The following TACC1 variants were observed in gnomAD, a reference collection of about 807,000 sequenced individuals.
TACC1 encodes the protein transforming acidic coiled-coil-containing protein 1.
Under a neutral mutation model 84.4 loss-of-function variants are expected in TACC1, and 48 were observed. The observed-to-expected ratio is 0.57, with a 90% CI of 0.45 to 0.72. The LOEUF (loss-of-function observed/expected upper bound fraction) is 0.72, where lower values mean the gene tolerates loss of function less well. TACC1 is among the 30% of genes least tolerant of loss of function. The probability of loss-of-function intolerance (pLI) is 0.00; values close to 1 mark genes in which losing one functional copy is unlikely to be tolerated. For missense variants in TACC1, 920 were observed against 973.0 expected, an observed-to-expected ratio of 0.95 and a Z score of 0.72; for synonymous variants, 372 against 376.3, an observed-to-expected ratio of 0.99 and a Z score of 0.13.
intron 3 of TACC1, among the ~76,000 whole-genome samples, chr8:38,760,600 G>C (rs377371913): frequency 1.5e-3 from 225 of 151,674 alleles, no homozygotes; most frequent in African/African-American, 4.8e-3. Context: ...GGCACATCTC[G>C]GCTCACTGCA....
rs578000963 is a variant in TACC1 at position 38,847,108 on chromosome 8, T to G, written c.2349+289T>G. Among the ~76,000 whole-genome samples, 62 of 152,360 alleles carry G rather than the reference T, an allele frequency of 4.1e-4. 2 individuals carry two copies. The South Asian group carries it at 0.013, about 32-fold the overall frequency. Reference sequence around the variant, plus strand: ...GGGGTCATGAGACTGCCTTTCTTTCTTTCTTTGTTTTTTATGCAATATATT... The same window carrying G: ...GGGGTCATGAGACTGCCTTTCTTTCGTTCTTTGTTTTTTATGCAATATATT... On this transcript the variant is annotated intron_variant, in intron 12 of 12. Coordinates refer to ENST00000317827, the MANE Select transcript of TACC1 (RefSeq NM_006283.3).
upstream of TACC1, chr8:38,785,794 G>C (rs1817021950): frequency 1.2e-6 from 1 of 821,254 alleles, no homozygotes; most frequent in Non-Finnish European, 1.5e-6. Context: ...ATTTCACATG[G>C]ACCTCCTGCC....
Position 38,842,461 on chromosome 8 carries a change from T to C in TACC1, c.2121+14T>C. The C allele has an allele frequency of 6.3e-7, 1 of 1,595,430 alleles. No individual in the cohort carries two copies. Among genetic ancestry groups the C allele is most frequent in the Non-Finnish European group, 8.5e-7 (1 of 1,171,350 alleles). On this transcript the variant is annotated intron_variant, in intron 10 of 12. Coordinates refer to ENST00000317827, the MANE Select transcript of TACC1 (RefSeq NM_006283.3). ...GGGTTCAAGAAGGTAGAGTGTTTTT[T>C]CCCTCTGTCTCCTGGTGTATTTCCA... is the stretch of plus-strand genomic sequence containing the variant.
In TACC1 at chr8:38,787,853, C is replaced by T. The variant is rs1817648176; in HGVS notation, c.161+110C>T. On this transcript the variant is annotated intron_variant, in intron 1 of 12. Transcript: ENST00000317827. ...CCACCCGCGAAACCGTCCTCACGGC[C>T]GTGCCGCGTCCCTGCCCGGAGCCGG... 4.6e-6 allele frequency: 5 copies of T among 1,094,918 alleles called. No individual in the cohort carries two copies. The South Asian group carries it at 7.0e-5, about 15-fold the overall frequency. The allele number at this position is 1,094,918 out of a possible 1,614,324, so 67.8% of individuals were successfully genotyped here.
At chr8:38,749,212 ATC>A (rs1771395387) in intron 3 of TACC1, among the ~76,000 whole-genome samples, 1 of 152,204 alleles carries the variant, frequency 6.6e-6, no homozygotes, top group Non-Finnish European at 1.5e-5. Context: ...TAAATTATAA[ATC>A]TAATCAAAGA....
intron 3 of TACC1, among the ~76,000 whole-genome samples, chr8:38,777,656 A>T (rs1203943324): frequency 6.6e-6 from 1 of 152,192 alleles, no homozygotes; most frequent in Non-Finnish European, 1.5e-5. Context: ...TTAGCTGGAC[A>T]TGGTGGTGTG....
intron 3 of TACC1, among the ~76,000 whole-genome samples, chr8:38,755,011 A>G (rs1202373202): frequency 6.6e-6 from 1 of 152,052 alleles, no homozygotes; most frequent in Admixed American, 6.6e-5. Flanking sequence ...AATACAAAAA[A>G]TAGCCAGGCG....
chr8:38,831,705 A>G (rs977721156), intron 6 of TACC1, among the ~76,000 whole-genome samples: 1 of 152,014 alleles, frequency 6.6e-6, no homozygotes, highest in Non-Finnish European at 1.5e-5. Context: ...CATGTTACCT[A>G]GGCTGGTCTC....
At chr8:38,750,081 G>A (rs147985226) in intron 3 of TACC1, among the ~76,000 whole-genome samples, 158 of 152,266 alleles carry the variant, frequency 1.0e-3, no homozygotes, top group Non-Finnish European at 1.8e-3. Flanking sequence ...ACTGAGGCAG[G>A]AGGTTTGTTG....
At chr8:38,788,533 G>T (rs1241021892) in intron 1 of TACC1, 171 bp from the exon 2 acceptor site, 1 of 549,240 alleles carries the variant, frequency 1.8e-6, no homozygotes, top group African/African-American at 1.9e-5. Flanking sequence ...CCCAAGGAGG[G>T]CACTGCTCAG....
In TACC1 at chr8:38,848,200, A is replaced by G. The variant is rs1278567379; in HGVS notation, c.*177A>G. The G allele has an allele frequency of 3.4e-6, 2 of 584,214 alleles. No individual in the cohort carries two copies. Among genetic ancestry groups the G allele is most frequent in the Admixed American group, 6.3e-5 (2 of 31,644 alleles). 36.2% of individuals were successfully genotyped at this position (584,214 alleles called of 1,614,324 possible). On this transcript the variant is annotated 3_prime_UTR_variant, in exon 13 of 13. Coordinates refer to ENST00000317827, the MANE Select transcript of TACC1 (RefSeq NM_006283.3). ...TGCCAATGCAACAGCCCTGGAAGAAACCCTAGAGGGTTGCATAGTCTAGAA... is the reference window on the plus strand; with the variant it reads ...TGCCAATGCAACAGCCCTGGAAGAAGCCCTAGAGGGTTGCATAGTCTAGAA...
intron 2 of TACC1, among the ~76,000 whole-genome samples, chr8:38,796,036 T>TGA (rs1425285340): frequency 2.0e-5 from 3 of 152,254 alleles, no homozygotes; most frequent in Non-Finnish European, 2.9e-5. Context: ...AAATGATTGA[T>TGA]CTCCAGCTTT....
intron 11 of TACC1, among the ~76,000 whole-genome samples, chr8:38,845,655 G>T (rs147312900): frequency 6.6e-6 from 1 of 152,182 alleles, no homozygotes; most frequent in African/African-American, 2.4e-5. Context: ...ACACTACAGC[G>T]AACATCCTGT....
At position 38,787,663 on chromosome 8, in the gene TACC1, C is replaced by T; in HGVS notation, c.81C>T (p.Ala27=). 1.3e-6 allele frequency: 2 copies of T among 1,549,052 alleles called. No homozygotes were observed. Among genetic ancestry groups the T allele is most frequent in the Non-Finnish European group, 1.7e-6 (2 of 1,149,256 alleles). The change falls in exon 1 of 13, where the codon GCC becomes GCT. Residue 27 remains alanine, a synonymous_variant. Transcript: ENST00000317827. ...WTWSAVRGGA[A]GEDEAGGPEG... The stretch of plus-strand genomic sequence containing the variant: ...GGTCTGCGGTACGCGGCGGGGCCGC[C>T]GGCGAGGACGAGGCTGGCGGGCCCG...
chr8:38,829,189 A>C (rs1675051864), intron 5 of TACC1, among the ~76,000 whole-genome samples: 1 of 152,186 alleles, frequency 6.6e-6, no homozygotes, highest in Non-Finnish European at 1.5e-5. Context: ...ATGGGCTTTT[A>C]TGTATAGAAT....
chr8:38,795,972 C>G (rs969381282), intron 2 of TACC1, among the ~76,000 whole-genome samples: 1 of 152,222 alleles, frequency 6.6e-6, no homozygotes, highest in Non-Finnish European at 1.5e-5. Flanking sequence ...TGCAGATACT[C>G]TCCTAGCCAG....
intron 1 of TACC1, among the ~76,000 whole-genome samples, chr8:38,733,569 T>C (rs1805387647): frequency 6.6e-6 from 1 of 152,160 alleles, no homozygotes; most frequent in South Asian, 2.1e-4. Context: ...AGGCTTTTGC[T>C]GTGTTCCTTC....
intron 11 of TACC1, chr8:38,844,920 T>C (rs1451776060): frequency 6.6e-6 from 1 of 152,102 alleles, no homozygotes; most frequent in African/African-American, 2.4e-5. Flanking sequence ...GTTATCCAAC[T>C]TGATTTTTTG....
intron 1 of TACC1, among the ~76,000 whole-genome samples, chr8:38,736,196 A>C (rs1253569186): frequency 6.6e-6 from 1 of 152,214 alleles, no homozygotes; most frequent in Non-Finnish European, 1.5e-5. Context: ...GTTGCATTTA[A>C]GGCCCACCCA....
Sources: gnomAD v4.1 joint callset for allele counts (sites outside exome capture counted in the v4.1 genomes callset) on GRCh38, gnomAD v4.1.1 for gene constraint, MANE v1.5 for transcripts, NCBI Gene and HGNC (gene_info 2026-07-23, HGNC 2026-07-21) for gene names.